The following PCDHA4 variants were observed in gnomAD, a reference collection of about 807,000 sequenced individuals.
PCDHA4 encodes the protein protocadherin alpha-4.
Under a neutral mutation model 61.4 loss-of-function variants are expected in PCDHA4, and 49 were observed. The observed-to-expected ratio is 0.80, with a 90% CI of 0.63 to 1.01. PCDHA4 has a LOEUF of 1.01. Among genes scored for constraint, PCDHA4 ranks in the 50% least tolerant of loss-of-function variants. The pLI is 0.00. For synonymous variants in PCDHA4, 590 were observed against 550.3 expected, an observed-to-expected ratio of 1.07 and a Z score of -1.01; for missense variants, 1,254 against 1,235.8, an observed-to-expected ratio of 1.01 and a Z score of -0.22.
intron 1 of PCDHA4, among the ~76,000 whole-genome samples, chr5:140,918,603 A>G (rs2078773753): frequency 6.6e-6 from 1 of 152,252 alleles, no homozygotes; most frequent in African/African-American, 2.4e-5. Context: ...AGATGTTGCT[A>G]TGATATGAAT....
chr5:140,941,202 C>CTTTCTGTCTTTCTTT (rs1554213921), intron 1 of PCDHA4, among the ~76,000 whole-genome samples: 1 of 122,742 alleles, frequency 8.1e-6, no homozygotes, highest in African/African-American at 3.0e-5. Context: ...TTTCTTTCTT[C>CTTTCTGTCTTTCTTT]CTTTCTTTCT....
intron 3 of PCDHA4, among the ~76,000 whole-genome samples, chr5:140,990,327 A>G (rs2097387817): frequency 1.3e-5 from 2 of 152,174 alleles, no homozygotes; most frequent in African/African-American, 4.8e-5. Flanking sequence ...AACAAACTTT[A>G]AAAATAAGTA....
In PCDHA4 at chr5:140,838,362, G is replaced by A. The variant is rs145931945; in HGVS notation, c.2385+28790G>A. Among the ~76,000 whole-genome samples, 553 of 150,200 alleles carry A rather than the reference G, an allele frequency of 3.7e-3. 7 individuals carry two copies. Among genetic ancestry groups the A allele is most frequent in the African/African-American group, 0.013 (527 of 40,560 alleles). ...TGGTCTCGAAATCTGGGACTCAAGT[G>A]ATCTGACTGCCTCAGCCTCCCAATG... is the stretch of plus-strand genomic sequence containing the variant. On this transcript the variant is annotated intron_variant, in intron 1 of 3. Coordinates refer to ENST00000530339, the MANE Select transcript of PCDHA4 (RefSeq NM_018907.4).
chr5:140,993,408 A>G (rs985721464), intron 3 of PCDHA4, among the ~76,000 whole-genome samples: 1 of 150,930 alleles, frequency 6.6e-6, no homozygotes, highest in African/African-American at 2.4e-5. Flanking sequence ...AACCACCTTC[A>G]TCAGCATTTC....
intron 1 of PCDHA4, among the ~76,000 whole-genome samples, chr5:140,826,430 C>A (rs2150079400): frequency 6.6e-6 from 1 of 152,162 alleles, no homozygotes; most frequent in Admixed American, 6.5e-5. Context: ...TAGAATTTCA[C>A]ATGGAAGAAA....
chr5:140,946,634 A>ATATAT (rs1554217761), intron 1 of PCDHA4, among the ~76,000 whole-genome samples: 3 of 147,374 alleles, frequency 2.0e-5, no homozygotes, highest in Admixed American at 6.8e-5. Context: ...ATATATATAC[A>ATATAT]ATGGAATACT....
At chr5:140,995,738 T>G (rs1441000111) in intron 3 of PCDHA4, among the ~76,000 whole-genome samples, 1 of 152,150 alleles carries the variant, frequency 6.6e-6, no homozygotes, top group Non-Finnish European at 1.5e-5. Context: ...CTGGTGGATT[T>G]GGTATATCAT....
Position 140,807,878 on chromosome 5 carries a change from A to G in PCDHA4, c.691A>G (p.Thr231Ala). 8 of 1,613,786 alleles carry G rather than the reference A, an allele frequency of 5.0e-6. No homozygotes were observed. Among genetic ancestry groups the G allele is most frequent in the Non-Finnish European group, 6.8e-6 (8 of 1,179,674 alleles). Residue 231 changes from threonine (T) to alanine (A), a missense_variant, in exon 1 of 4, where the codon ACA becomes GCA. Coordinates refer to ENST00000530339, the MANE Select transcript of PCDHA4 (RefSeq NM_018907.4). ...ELTGTVQLLI[T>A]VLDANDNAPA... ...GACTGGCACCGTTCAGTTACTCATC[A>G]CAGTACTGGATGCCAATGACAATGC...
chr5:140,834,369 A>T (rs2150215931), intron 1 of PCDHA4: 162 of 1,556,736 alleles, frequency 1.0e-4, no homozygotes, highest in Non-Finnish European at 1.3e-4. Flanking sequence ...TAGAAAAACA[A>T]GCCAATAATT....
intron 1 of PCDHA4, among the ~76,000 whole-genome samples, chr5:140,976,583 G>A (rs1360171256): frequency 8.6e-5 from 13 of 151,966 alleles, no homozygotes; most frequent in African/African-American, 3.1e-4. Flanking sequence ...ATAAAACACA[G>A]ACTTTTGTGT....
chr5:140,862,968 G>A (rs1554157319), intron 1 of PCDHA4: 1 of 544,810 alleles, frequency 1.8e-6, no homozygotes, highest in Non-Finnish European at 3.6e-6. Flanking sequence ...GTGGATGCAG[G>A]CCACTTGGTG....
At chr5:140,875,094 T>C (rs1554167483) in intron 1 of PCDHA4, among the ~76,000 whole-genome samples, 1 of 152,258 alleles carries the variant, frequency 6.6e-6, no homozygotes. Flanking sequence ...AAATTGTTGA[T>C]GTTTTGTTAC....
At chr5:140,905,621 T>C (rs1180191773) in intron 1 of PCDHA4, among the ~76,000 whole-genome samples, 1 of 152,224 alleles carries the variant, frequency 6.6e-6, no homozygotes, top group Non-Finnish European at 1.5e-5. Flanking sequence ...TAGATTGCTT[T>C]TGACAGTATG....
chr5:140,841,831 C>G (rs2150323800), intron 1 of PCDHA4: 1 of 1,613,930 alleles, frequency 6.2e-7, no homozygotes, highest in East Asian at 2.2e-5. Context: ...TGTTAACCTA[C>G]AGGCTTAGCT....
At chr5:140,945,762 G>A (rs570176768) in intron 1 of PCDHA4, among the ~76,000 whole-genome samples, 122 of 152,196 alleles carry the variant, frequency 8.0e-4, no homozygotes, top group South Asian at 2.3e-3. Context: ...ATGGTGGTGG[G>A]ACAATTTGAT....
chr5:140,835,883 C>G lies in PCDHA4; in HGVS notation c.2385+26311C>G, dbSNP rs2150247387. On this transcript the variant is annotated intron_variant, in intron 1 of 3. Transcript: ENST00000530339. ...ACTCGCTGGTGGAGCTGCGGGTGGG[C>G]GAGCGCGCGCTGTCGAGCTACGTGT... 3.1e-6 allele frequency: 5 copies of G among 1,611,944 alleles called. No homozygotes were observed. In the Admixed American group the frequency reaches 5.0e-5, roughly 16 times the overall value.
intron 3 of PCDHA4, among the ~76,000 whole-genome samples, chr5:140,984,528 T>C (rs1187541000): frequency 7.2e-5 from 11 of 152,216 alleles, no homozygotes; most frequent in African/African-American, 2.4e-4. Flanking sequence ...ACAGTCTTCA[T>C]GGACTGTGCT....
intron 1 of PCDHA4, chr5:140,812,287 T>A (rs1262930138): frequency 5.3e-5 from 8 of 152,076 alleles, no homozygotes; most frequent in Non-Finnish European, 1.0e-4. Flanking sequence ...GGTTATTGAA[T>A]TTTTTGGTAT....
intron 1 of PCDHA4, among the ~76,000 whole-genome samples, chr5:140,894,318 T>C (rs1403062288): frequency 1.3e-5 from 2 of 152,086 alleles, no homozygotes; most frequent in Non-Finnish European, 2.9e-5. Context: ...TCTTAAATTA[T>C]AGATTTTAGT....
Sources: allele counts gnomAD v4.1 joint callset (sites outside exome capture counted in the v4.1 genomes callset), GRCh38; gene constraint gnomAD v4.1.1; transcripts MANE v1.5; gene names NCBI Gene and HGNC (gene_info 2026-07-23, HGNC 2026-07-21).